SMURF2: variants seen among roughly 807,000 people sequenced by gnomAD.
SMURF2 encodes SMAD specific E3 ubiquitin protein ligase 2, also known as E3 ubiquitin-protein ligase SMURF2.
In SMURF2, 48 loss-of-function variants were observed where a neutral mutation model predicts 109.6. The observed-to-expected ratio is 0.44, with a 90% confidence interval of 0.35 to 0.56. The LOEUF (loss-of-function observed/expected upper bound fraction) is 0.56, where lower values mean the gene tolerates loss of function less well. SMURF2 is among the 20% of genes least tolerant of loss of function. The pLI is 0.01. For missense variants in SMURF2, 575 were observed against 909.0 expected (o/e 0.63, Z 4.72); for synonymous variants, 288 against 317.1 (o/e 0.91, Z 0.97).
chr17:64,635,595 G>A (rs1970406095), intron 1 of SMURF2, among the ~76,000 whole-genome samples: 1 of 151,878 alleles, frequency 6.6e-6, no homozygotes, highest in Non-Finnish European at 1.5e-5. Context: ...TTTTGTGTCT[G>A]GCTTCTTTCA....
At chr17:64,622,128 A>G (rs895367239) in intron 1 of SMURF2, among the ~76,000 whole-genome samples, 1 of 151,196 alleles carries the variant, frequency 6.6e-6, no homozygotes, top group South Asian at 2.1e-4. Context: ...AGTATAATTT[A>G]TAAGAAAATA....
chr17:64,639,740 T>C (rs1970469893), intron 1 of SMURF2, among the ~76,000 whole-genome samples: 2 of 152,310 alleles, frequency 1.3e-5, no homozygotes, highest in African/African-American at 2.4e-5. Flanking sequence ...TGGGGAAGTT[T>C]AAGTCAGACT....
chr17:64,562,180 G>C (rs1297054576), intron 11 of SMURF2, among the ~76,000 whole-genome samples: 1 of 145,198 alleles, frequency 6.9e-6, no homozygotes, highest in Non-Finnish European at 1.5e-5. Context: ...GTAGTCCCAG[G>C]TACTCAAGAG....
chr17:64,551,809 A>T (rs1395623696), intron 15 of SMURF2, 105 bp from the exon 16 acceptor site: 6 of 1,401,670 alleles, frequency 4.3e-6, no homozygotes, highest in Non-Finnish European at 5.9e-6. Flanking sequence ...CAAGCATCTA[A>T]CATTAACGGT....
In SMURF2 at chr17:64,558,432, C is replaced by T. The variant is rs1969157166; in HGVS notation, c.1317-710G>A. 2.0e-5 allele frequency among the ~76,000 whole-genome samples: 3 copies of T among 151,796 alleles called. No homozygotes were observed. The South Asian group carries it at 6.2e-4, about 32-fold the overall frequency. On this transcript the variant is annotated intron_variant, in intron 12 of 18. Transcript: ENST00000262435. Reference sequence around the variant, plus strand: ...AAAAAGTCCACGTCATCTCTATTATCCTGGTCTACTCCTATCACGACCAGT... The same window carrying T: ...AAAAAGTCCACGTCATCTCTATTATTCTGGTCTACTCCTATCACGACCAGT...
rs1555682862 is a variant in SMURF2, at chr17:64,544,021, G to A, written c.*1827C>T. On this transcript the variant is annotated 3_prime_UTR_variant, in exon 19 of 19. Transcript: ENST00000262435. ...TAGCTTGCTTGTGGCAGTTGAATTT[G>A]GCCAAATGAAATACATTAAAATACT... 1 of 152,148 alleles carries A rather than the reference G, an allele frequency of 6.6e-6. No homozygotes were observed. Among genetic ancestry groups the A allele is most frequent in the African/African-American group, 2.4e-5 (1 of 41,432 alleles). 9.4% of individuals were successfully genotyped at this position (152,148 alleles called of 1,614,324 possible). A position where few individuals can be genotyped will look rare whatever the true frequency, so the allele number is the denominator to read the frequency against.
rs1419117040 is a variant in SMURF2, at chr17:64,544,162, A to G, written c.*1686T>C. On this transcript the variant is annotated 3_prime_UTR_variant, in exon 19 of 19. Transcript: ENST00000262435. ...CCATGAAAGCTTACTTGAAATTCCA[A>G]TATACATAAGAAAAATGGGCTGTTC... is the stretch of plus-strand genomic sequence containing the variant. 6.6e-6 allele frequency: 1 copy of G among 152,126 alleles called. No individual in the cohort carries two copies. The highest frequency in any genetic ancestry group is 1.5e-5 in the Non-Finnish European group (1 of 68,032). The allele number at this position is 152,126 out of a possible 1,614,324, so 9.4% of individuals were successfully genotyped here.
In SMURF2 at chr17:64,661,932, G is replaced by A. The variant is rs1212513644; in HGVS notation, c.-52C>T. The A allele has an allele frequency of 2.6e-6, 3 of 1,154,076 alleles. No individual in the cohort carries two copies. Among genetic ancestry groups the A allele is most frequent in the Non-Finnish European group, 3.2e-6 (3 of 938,448 alleles). The allele number at this position is 1,154,076 out of a possible 1,614,324, so 71.5% of individuals were successfully genotyped here. ...CGGCGGGCGGCACGGGGGCGACGGC[G>A]AGGCGCGGCGGAGTCACCACAGCGG... On this transcript the variant is annotated 5_prime_UTR_variant, in exon 1 of 19. Coordinates refer to ENST00000262435, the MANE Select transcript of SMURF2 (RefSeq NM_022739.4).
intron 16 of SMURF2, among the ~76,000 whole-genome samples, chr17:64,549,825 A>G (rs1398587659): frequency 6.6e-6 from 1 of 152,208 alleles, no homozygotes; most frequent in Non-Finnish European, 1.5e-5. Flanking sequence ...TAGAAACTAT[A>G]TTAAAAATCC....
At chr17:64,626,763 A>AAAAACAAAAC (rs371936221) in intron 1 of SMURF2, among the ~76,000 whole-genome samples, 2 of 152,158 alleles carry the variant, frequency 1.3e-5, no homozygotes, top group African/African-American at 4.8e-5. Context: ...ATTCCATCAA[A>AAAAACAAAAC]AAAACAAAAC....
chr17:64,609,627 A>G (rs925711480), intron 1 of SMURF2, among the ~76,000 whole-genome samples: 8 of 129,000 alleles, frequency 6.2e-5, no homozygotes, highest in African/African-American at 3.3e-4. Flanking sequence ...TTAACTCGAG[A>G]TACATTAAAG....
At chr17:64,549,016 G>A (rs948882234) in intron 16 of SMURF2, among the ~76,000 whole-genome samples, 8 of 152,076 alleles carry the variant, frequency 5.3e-5, no homozygotes, top group Non-Finnish European at 1.0e-4. Context: ...GGGTGTGGTA[G>A]CTCACGCCTG....
intron 2 of SMURF2, among the ~76,000 whole-genome samples, chr17:64,602,732 T>C (rs1416599155): frequency 5.9e-5 from 9 of 152,064 alleles, no homozygotes; most frequent in Admixed American, 1.3e-4. Context: ...TTCAAGACCA[T>C]CCTGGCTAAC....
intron 1 of SMURF2, among the ~76,000 whole-genome samples, chr17:64,612,759 TA>T (rs141010300): frequency 1.3e-5 from 2 of 151,180 alleles, no homozygotes; most frequent in African/African-American, 4.9e-5. Context: ...AACCAATTCT[TA>T]AAAAAAAATC....
At chr17:64,644,180 G>C (rs1970526883) in intron 1 of SMURF2, among the ~76,000 whole-genome samples, 1 of 151,880 alleles carries the variant, frequency 6.6e-6, no homozygotes, top group South Asian at 2.1e-4. Flanking sequence ...AATTTTTGCA[G>C]TTTTTGTAGA....
chr17:64,577,803 A>G (rs139679698), intron 9 of SMURF2, among the ~76,000 whole-genome samples: 1 of 151,992 alleles, frequency 6.6e-6, no homozygotes, highest in African/African-American at 2.4e-5. Flanking sequence ...TATGTGGCTC[A>G]GACTGGTTTC....
At chr17:64,563,219 C>A (rs1226853258) in intron 10 of SMURF2, 3 of 275,198 alleles carry the variant, frequency 1.1e-5, no homozygotes, top group African/African-American at 6.6e-5. Flanking sequence ...CTTCTGAGGA[C>A]AAATTTTTCC....
intron 2 of SMURF2, 90 bp from the exon 3 acceptor site, chr17:64,598,580 T>C (rs1324955043): frequency 9.4e-7 from 1 of 1,064,280 alleles, no homozygotes; most frequent in Non-Finnish European, 1.3e-6. Context: ...AAAAGATTAT[T>C]CCATTCTTTT....
intron 5 of SMURF2, among the ~76,000 whole-genome samples, chr17:64,588,259 T>C (rs781824299): frequency 7.2e-5 from 11 of 151,932 alleles, no homozygotes; most frequent in Non-Finnish European, 1.2e-4. Context: ...AGCCTCCCAA[T>C]GTAGCTGGGG....
Sources: gnomAD v4.1 joint callset for allele counts (sites outside exome capture counted in the v4.1 genomes callset) on GRCh38, gnomAD v4.1.1 for gene constraint, MANE v1.5 for transcripts, NCBI Gene and HGNC (gene_info 2026-07-23, HGNC 2026-07-21) for gene names.